Variants in CTNND2 observed in about 807,000 individuals in gnomAD.
CTNND2 encodes the protein catenin delta 2.
A neutral mutation model predicts 144.4 loss-of-function variants in CTNND2; 22 were observed. The ratio of observed to expected loss-of-function variants is 0.15; its 90% CI spans 0.11 to 0.22. The LOEUF is 0.22. CTNND2 is among the 10% of genes least tolerant of loss of function. The pLI is 1.00. For synonymous variants in CTNND2, 751 were observed against 695.6 expected (o/e 1.08, Z -1.25); for missense variants, 1,353 against 1,618.8 (o/e 0.84, Z 2.82).
intron 1 of CTNND2, among the ~76,000 whole-genome samples, chr5:11,827,429 T>C (rs763423949): frequency 1.3e-5 from 2 of 151,808 alleles, no homozygotes; most frequent in Non-Finnish European, 2.9e-5. Context: ...GTAACAATAA[T>C]GAATAAAACA....
At chr5:11,401,519 C>A (rs181293191) in intron 5 of CTNND2, among the ~76,000 whole-genome samples, 75 of 152,312 alleles carry the variant, frequency 4.9e-4, no homozygotes, top group Admixed American at 4.0e-3. Flanking sequence ...CAGACCTGGG[C>A]TCTAGCCCAT....
chr5:11,504,947 C>T (rs1337123629), intron 3 of CTNND2, among the ~76,000 whole-genome samples: 1 of 152,054 alleles, frequency 6.6e-6, no homozygotes, highest in Non-Finnish European at 1.5e-5. Context: ...CCACAGAGAC[C>T]CCACATGGCC....
intron 10 of CTNND2, among the ~76,000 whole-genome samples, chr5:11,209,286 T>A (rs988386871): frequency 6.6e-6 from 1 of 152,224 alleles, no homozygotes; most frequent in Non-Finnish European, 1.5e-5. Context: ...CATTATTTTA[T>A]CTCATTTATA....
At chr5:11,176,667 T>C (rs1378374872) in intron 11 of CTNND2, among the ~76,000 whole-genome samples, 2 of 152,246 alleles carry the variant, frequency 1.3e-5, no homozygotes, top group African/African-American at 2.4e-5. Flanking sequence ...CTGGTTTCCT[T>C]ATCCTAACTT....
At chr5:11,153,851 T>A (rs1029043165) in intron 12 of CTNND2, among the ~76,000 whole-genome samples, 3 of 152,222 alleles carry the variant, frequency 2.0e-5, no homozygotes, top group African/African-American at 7.2e-5. Flanking sequence ...GCCAGCCTTA[T>A]GCACATACTT....
intron 9 of CTNND2, among the ~76,000 whole-genome samples, chr5:11,330,866 G>C (rs375323425): frequency 2.4e-4 from 36 of 151,724 alleles, no homozygotes; most frequent in African/African-American, 7.3e-4. Context: ...GTGAGCCTAA[G>C]TGTATGGACA....
chr5:11,840,624 A>C (rs1309817205), intron 1 of CTNND2, among the ~76,000 whole-genome samples: 1 of 152,230 alleles, frequency 6.6e-6, no homozygotes, highest in Non-Finnish European at 1.5e-5. Flanking sequence ...AATAACTCGT[A>C]TCACTTCATG....
At chr5:11,077,996 T>C (rs760045348) in intron 16 of CTNND2, among the ~76,000 whole-genome samples, 5 of 152,190 alleles carry the variant, frequency 3.3e-5, no homozygotes, top group Admixed American at 1.3e-4. Flanking sequence ...GTGGACATGC[T>C]ATATTTGAGA....
At chr5:10,998,105 A>G (rs924820172) in intron 18 of CTNND2, among the ~76,000 whole-genome samples, 23 of 152,268 alleles carry the variant, frequency 1.5e-4, no homozygotes, top group African/African-American at 5.3e-4. Flanking sequence ...GAACTCCTAT[A>G]TGGATGCACT....
chr5:11,213,613 G>T (rs981483585), intron 10 of CTNND2, among the ~76,000 whole-genome samples: 2 of 151,988 alleles, frequency 1.3e-5, no homozygotes, highest in African/African-American at 4.8e-5. Flanking sequence ...TGTGACCCTT[G>T]AAATTTACAA....
At chr5:11,371,912 A>G (rs1185031666) in intron 7 of CTNND2, among the ~76,000 whole-genome samples, 4 of 152,242 alleles carry the variant, frequency 2.6e-5, no homozygotes, top group Non-Finnish European at 4.4e-5. Context: ...CTGATAATAT[A>G]AAATGATCTT....
intron 9 of CTNND2, among the ~76,000 whole-genome samples, chr5:11,291,853 G>A (rs1748382272): frequency 6.6e-6 from 1 of 151,936 alleles, no homozygotes; most frequent in African/African-American, 2.4e-5. Context: ...CTGATGTCTT[G>A]CAAAACTGTA....
chr5:11,286,578 A>G (rs1336136877), intron 9 of CTNND2, among the ~76,000 whole-genome samples: 1 of 152,226 alleles, frequency 6.6e-6, no homozygotes, highest in Non-Finnish European at 1.5e-5. Context: ...GGAAAAAGCA[A>G]GTCACAGACC....
intron 16 of CTNND2, among the ~76,000 whole-genome samples, chr5:11,063,210 A>G (rs1429856027): frequency 1.3e-5 from 2 of 152,296 alleles, no homozygotes; most frequent in Non-Finnish European, 2.9e-5. Context: ...AAATCTATAA[A>G]AACAACAAAA....
At chr5:11,360,718 C>T (rs1756362296) in intron 8 of CTNND2, among the ~76,000 whole-genome samples, 1 of 152,128 alleles carries the variant, frequency 6.6e-6, no homozygotes, top group South Asian at 2.1e-4. Context: ...TTGGAATATG[C>T]ATGTAGCCTA....
chr5:11,671,891 A>G (rs908856700), intron 2 of CTNND2, among the ~76,000 whole-genome samples: 2 of 152,056 alleles, frequency 1.3e-5, no homozygotes, highest in African/African-American at 2.4e-5. Flanking sequence ...CATTTTTGCA[A>G]TGGTTTCTCC....
At chr5:11,385,733 C>T (rs957857418) in intron 6 of CTNND2, 2 of 152,066 alleles carry the variant, frequency 1.3e-5, no homozygotes, top group African/African-American at 4.8e-5. Flanking sequence ...ATCTGGAGAA[C>T]ATCAAGAATA....
chr5:11,819,015 C>A (rs903862988), intron 1 of CTNND2, among the ~76,000 whole-genome samples: 3 of 152,168 alleles, frequency 2.0e-5, no homozygotes, highest in Non-Finnish European at 4.4e-5. Context: ...TTTCTTTCCT[C>A]TTAGATTGCT....
chr5:11,319,964 G>A (rs891104675), intron 9 of CTNND2, among the ~76,000 whole-genome samples: 14 of 152,138 alleles, frequency 9.2e-5, no homozygotes, highest in African/African-American at 3.1e-4. Context: ...TGTCAGGCCC[G>A]CTTTGGCAGG....
Sources: gnomAD v4.1 joint callset for allele counts (sites outside exome capture counted in the v4.1 genomes callset) on GRCh38, gnomAD v4.1.1 for gene constraint, MANE v1.5 for transcripts, NCBI Gene and HGNC (gene_info 2026-07-23, HGNC 2026-07-21) for gene names.